RIT2: variants seen among roughly 807,000 people sequenced by gnomAD.
RIT2 encodes the protein Ras like without CAAX 2, also known as GTP-binding protein Rit2.
RIT2 carries 24 observed loss-of-function variants against 23.7 expected under a neutral mutation model. That is an observed-to-expected ratio of 1.01 (90% CI 0.73 to 1.43). The LOEUF is 1.43. Among genes scored for constraint, RIT2 ranks in the 40% most tolerant of loss-of-function variants. RIT2 has a pLI of 0.00. For missense variants in RIT2, 236 were observed against 266.9 expected (o/e 0.88, Z 0.81); for synonymous variants, 107 against 91.1 (o/e 1.17, Z -0.99).
At chr18:42,904,047 C>T (rs1908547952) in intron 4 of RIT2, among the ~76,000 whole-genome samples, 1 of 152,006 alleles carries the variant, frequency 6.6e-6, no homozygotes, top group African/African-American at 2.4e-5. Context: ...TATTATAATA[C>T]TATATAGGAA....
chr18:42,972,868 C>A (rs1598734892), intron 3 of RIT2, among the ~76,000 whole-genome samples: 1 of 151,754 alleles, frequency 6.6e-6, no homozygotes, highest in South Asian at 2.1e-4. Context: ...AATGTGTTTA[C>A]AAATCTTTTA....
At chr18:43,066,564 A>G (rs1912775412) in intron 1 of RIT2, among the ~76,000 whole-genome samples, 1 of 152,204 alleles carries the variant, frequency 6.6e-6, no homozygotes, top group Admixed American at 6.5e-5. Context: ...CCTAGGTGAT[A>G]GGTGCTGGAG....
At chr18:42,969,249 A>G (rs1271421137) in intron 3 of RIT2, among the ~76,000 whole-genome samples, 1 of 152,148 alleles carries the variant, frequency 6.6e-6, no homozygotes, top group East Asian at 1.9e-4. Flanking sequence ...TCTGGACCTT[A>G]AAATATCCAA....
chr18:42,758,535 A>G (rs2143895656), intron 4 of RIT2, among the ~76,000 whole-genome samples: 1 of 145,714 alleles, frequency 6.9e-6, no homozygotes, highest in South Asian at 2.1e-4. Flanking sequence ...TATTTTGAGA[A>G]GGAGTTTTTC....
chr18:42,871,842 T>A (rs1182157603), intron 4 of RIT2, among the ~76,000 whole-genome samples: 1 of 152,230 alleles, frequency 6.6e-6, no homozygotes, highest in East Asian at 1.9e-4. Context: ...TAAGTAACAC[T>A]TAGCTTCTCT....
chr18:42,956,011 A>T (rs996193633), intron 3 of RIT2, among the ~76,000 whole-genome samples: 2 of 152,116 alleles, frequency 1.3e-5, no homozygotes, highest in African/African-American at 2.4e-5. Flanking sequence ...AAGGTTTATC[A>T]CCTCGGGGTG....
chr18:42,823,975 G>A (rs1043529159), intron 4 of RIT2, among the ~76,000 whole-genome samples: 2 of 151,910 alleles, frequency 1.3e-5, no homozygotes, highest in Non-Finnish European at 2.9e-5. Flanking sequence ...GCATAATTCC[G>A]TTTAAGTCGT....
At position 43,008,378 on chromosome 18, in the gene RIT2, GT is replaced by G. The variant is rs570388939; in HGVS notation, c.160+25432del. Reference sequence around the variant, plus strand: ...CTATAGTTCTACTTTTATCAATGGAGTTATAAAATTATAAAGAAAAATTTTA... The same window carrying G: ...CTATAGTTCTACTTTTATCAATGGAGTATAAAATTATAAAGAAAAATTTTA... On this transcript the variant is annotated intron_variant, in intron 2 of 4. Transcript: ENST00000326695. Among the ~76,000 whole-genome samples the G allele has an allele frequency of 3.4e-3, 522 of 151,368 alleles. 2 individuals are homozygous for G. Among genetic ancestry groups the G allele is most frequent in the Non-Finnish European group, 5.3e-3 (359 of 67,630 alleles).
chr18:43,104,362 C>T (rs923416942), intron 1 of RIT2, among the ~76,000 whole-genome samples: 14 of 152,098 alleles, frequency 9.2e-5, no homozygotes, highest in Admixed American at 5.2e-4. Context: ...TGTTCCACAG[C>T]GCTATATAAT....
intron 1 of RIT2, among the ~76,000 whole-genome samples, chr18:43,103,556 G>A (rs953278658): frequency 2.6e-5 from 4 of 152,180 alleles, no homozygotes; most frequent in African/African-American, 9.7e-5. Context: ...GTGTTATAAA[G>A]AAGAGAGAAG....
chr18:43,092,927 T>C (rs1913459165), intron 1 of RIT2, among the ~76,000 whole-genome samples: 1 of 152,062 alleles, frequency 6.6e-6, no homozygotes, highest in South Asian at 2.1e-4. Context: ...CGTTAAATAA[T>C]GTTATTTTTA....
chr18:42,850,582 A>T (rs909152680), intron 4 of RIT2, among the ~76,000 whole-genome samples: 4 of 152,228 alleles, frequency 2.6e-5, no homozygotes, highest in Admixed American at 6.5e-5. Flanking sequence ...AATGAAAAAC[A>T]CTTATAATTG....
At chr18:43,099,077 A>C (rs550226248) in intron 1 of RIT2, among the ~76,000 whole-genome samples, 4 of 152,068 alleles carry the variant, frequency 2.6e-5, no homozygotes, top group African/African-American at 7.2e-5. Flanking sequence ...TAACAAATTT[A>C]TTTGGAAAAG....
chr18:43,037,933 C>T (rs949903310), intron 1 of RIT2, among the ~76,000 whole-genome samples: 3 of 151,884 alleles, frequency 2.0e-5, no homozygotes, highest in African/African-American at 4.8e-5. Flanking sequence ...GGCCGGACGC[C>T]GTGGCTCATG....
intron 3 of RIT2, among the ~76,000 whole-genome samples, chr18:42,959,890 C>G (rs1910057158): frequency 1.3e-5 from 2 of 152,092 alleles, no homozygotes; most frequent in Admixed American, 1.3e-4. Context: ...TGTGGAGAAG[C>G]CACGAGTTGG....
intron 4 of RIT2, among the ~76,000 whole-genome samples, chr18:42,790,925 G>C (rs1914028982): frequency 6.6e-6 from 1 of 152,154 alleles, no homozygotes; most frequent in African/African-American, 2.4e-5. Flanking sequence ...AGCAAGAACA[G>C]AGACAACGCC....
chr18:42,907,090 T>C (rs1406131517), intron 4 of RIT2, among the ~76,000 whole-genome samples: 1 of 152,230 alleles, frequency 6.6e-6, no homozygotes, highest in Non-Finnish European at 1.5e-5. Flanking sequence ...CTGTATCTAC[T>C]GTTTTTTTAA....
intron 4 of RIT2, among the ~76,000 whole-genome samples, chr18:42,823,708 C>A (rs1048177605): frequency 2.6e-5 from 4 of 152,020 alleles, no homozygotes; most frequent in Admixed American, 1.3e-4. Context: ...CTATTATGCA[C>A]CAGTACTACA....
At chr18:43,021,012 G>A (rs893617313) in intron 2 of RIT2, among the ~76,000 whole-genome samples, 10 of 151,864 alleles carry the variant, frequency 6.6e-5, no homozygotes, top group Non-Finnish European at 1.5e-4. Flanking sequence ...ATAGACAAAC[G>A]GGGCTGTATT....
Sources: allele counts gnomAD v4.1 joint callset (sites outside exome capture counted in the v4.1 genomes callset), GRCh38; gene constraint gnomAD v4.1.1; transcripts MANE v1.5; gene names NCBI Gene and HGNC (gene_info 2026-07-23, HGNC 2026-07-21).